The following TRPC5 variants were observed in gnomAD, a reference collection of about 807,000 sequenced individuals.
The protein encoded by TRPC5 is short transient receptor potential channel 5.
TRPC5 carries 9 observed loss-of-function variants against 56.5 expected under a neutral mutation model. The observed-to-expected ratio is 0.16, with a 90% CI of 0.10 to 0.28. The LOEUF (loss-of-function observed/expected upper bound fraction) is 0.28, where lower values mean the gene tolerates loss of function less well. Ranked by LOEUF, TRPC5 falls within the 10% of genes least tolerant of loss-of-function variation. The pLI, the probability that TRPC5 is intolerant of heterozygous loss-of-function variation, is 1.00. For synonymous variants in TRPC5, 282 were observed against 278.5 expected, an observed-to-expected ratio of 1.01 and a Z score of -0.13; for missense variants, 469 against 748.9, an observed-to-expected ratio of 0.63 and a Z score of 4.36.
At chrX:112,080,338 G>A (rs1371925923) in intron 1 of TRPC5, among the ~76,000 whole-genome samples, 1 of 107,856 alleles carries the variant, frequency 9.3e-6, no homozygotes, top group Non-Finnish European at 1.9e-5. Context: ...GCTCCCCTCT[G>A]TTACAAAAGC....
intron 2 of TRPC5, among the ~76,000 whole-genome samples, chrX:111,933,430 G>A (rs774547035): frequency 2.7e-5 from 3 of 111,072 alleles, no homozygotes; most frequent in Non-Finnish European, 5.7e-5. Context: ...AGACATATCT[G>A]CCCAGGGACA....
chrX:111,855,887 T>C (rs766481092), intron 3 of TRPC5, among the ~76,000 whole-genome samples: 1 of 111,723 alleles, frequency 9.0e-6, no homozygotes, highest in East Asian at 2.8e-4. Flanking sequence ...AGTTATACAA[T>C]TGTATAGTAA....
chrX:111,934,316 G>A (rs1926504543), intron 2 of TRPC5, among the ~76,000 whole-genome samples: 2 of 107,468 alleles, frequency 1.9e-5, no homozygotes, highest in South Asian at 4.0e-4. Context: ...ACAATTTTGA[G>A]CTGATTTTCT....
At chrX:111,956,302 T>C (rs1458996857) in intron 1 of TRPC5, among the ~76,000 whole-genome samples, 1 of 112,072 alleles carries the variant, frequency 8.9e-6, no homozygotes, top group Non-Finnish European at 1.9e-5. Context: ...GCTTAAATGG[T>C]AAAACCCTTG....
intron 1 of TRPC5, among the ~76,000 whole-genome samples, chrX:111,989,560 T>C (rs1928298669): frequency 8.9e-6 from 1 of 112,132 alleles, no homozygotes; most frequent in Admixed American, 9.5e-5. Context: ...TCATTCAAGA[T>C]AACTTTTGAG....
intron 2 of TRPC5, among the ~76,000 whole-genome samples, chrX:111,947,526 C>T (rs982309952): frequency 6.4e-5 from 7 of 110,127 alleles, no homozygotes; most frequent in African/African-American, 9.9e-5. Flanking sequence ...TAGTAGAGAC[C>T]GGGTTTCTTC....
At chrX:111,999,583 G>A (rs966851639) in intron 1 of TRPC5, among the ~76,000 whole-genome samples, 6 of 112,177 alleles carry the variant, frequency 5.3e-5, no homozygotes, top group Non-Finnish European at 7.5e-5. Context: ...AAACATGGGA[G>A]TGCAGTATCT....
At chrX:111,794,424 T>C (rs1045489852) in intron 7 of TRPC5, among the ~76,000 whole-genome samples, 4 of 111,855 alleles carry the variant, frequency 3.6e-5, no homozygotes, top group Non-Finnish European at 7.5e-5. Context: ...TGTTAATATA[T>C]TTATTCTGTT....
At chrX:111,841,381 CT>C (rs993129213) in intron 6 of TRPC5, among the ~76,000 whole-genome samples, 8 of 111,859 alleles carry the variant, frequency 7.2e-5, no homozygotes, top group African/African-American at 2.6e-4. Context: ...GCTTGTATGC[CT>C]AGATTGAAAT....
chrX:111,968,625 C>A (rs1319199129), intron 1 of TRPC5, among the ~76,000 whole-genome samples: 134 of 109,309 alleles, frequency 1.2e-3, no homozygotes, highest in Non-Finnish European at 2.4e-3. Context: ...CACATATACC[C>A]CATGGAATAC....
chrX:112,037,002 C>G (rs114889411), intron 1 of TRPC5, among the ~76,000 whole-genome samples: 196 of 111,858 alleles, frequency 1.8e-3, no homozygotes, highest in African/African-American at 6.2e-3. Flanking sequence ...GGAAATTGAG[C>G]AAGGCTTCAA....
At chrX:112,055,283 T>G (rs1437373973) in intron 1 of TRPC5, among the ~76,000 whole-genome samples, 1 of 112,156 alleles carries the variant, frequency 8.9e-6, no homozygotes, top group East Asian at 2.8e-4. Context: ...AAGGTTCTAC[T>G]CATAGGATGA....
At chrX:112,062,116 T>C (rs746119588) in intron 1 of TRPC5, among the ~76,000 whole-genome samples, 4 of 112,035 alleles carry the variant, frequency 3.6e-5, no homozygotes, top group Non-Finnish European at 7.5e-5. Context: ...GCCAACTGGT[T>C]TTACTTTTAC....
intron 1 of TRPC5, among the ~76,000 whole-genome samples, chrX:112,007,579 T>C (rs1251277148): frequency 8.9e-6 from 1 of 111,814 alleles, no homozygotes; most frequent in African/African-American, 3.3e-5. Context: ...TTTGTGCAGA[T>C]CCTGAAGATC....
intron 3 of TRPC5, among the ~76,000 whole-genome samples, chrX:111,885,559 A>G (rs1413465901): frequency 9.1e-6 from 1 of 109,779 alleles, no homozygotes; most frequent in African/African-American, 3.3e-5. Flanking sequence ...TTTTTTTTTA[A>G]AAAAAGAAAA....
At chrX:111,963,431 C>T (rs1213001460) in intron 1 of TRPC5, among the ~76,000 whole-genome samples, 2 of 112,283 alleles carry the variant, frequency 1.8e-5, no homozygotes, top group Non-Finnish European at 3.8e-5. Flanking sequence ...CAGCAGTAAC[C>T]TCTGCAGACT....
chrX:111,812,142 T>C (rs1187676735), intron 7 of TRPC5, among the ~76,000 whole-genome samples: 2 of 110,392 alleles, frequency 1.8e-5, no homozygotes, highest in Admixed American at 9.7e-5. Context: ...CCTACGTGAG[T>C]TTAGCTTTTT....
intron 7 of TRPC5, among the ~76,000 whole-genome samples, chrX:111,794,390 C>T (rs925549822): frequency 4.5e-5 from 5 of 111,165 alleles, no homozygotes; most frequent in Non-Finnish European, 9.4e-5. Context: ...CCATTCCTTC[C>T]ACTTTAATTT....
chrX:111,924,611 T>G (rs761947646), intron 2 of TRPC5, among the ~76,000 whole-genome samples: 44 of 112,634 alleles, frequency 3.9e-4, no homozygotes, highest in Admixed American at 3.8e-3. Context: ...TTTGTTTGGT[T>G]GCTTTGTTCA....
Sources: allele counts gnomAD v4.1 joint callset (sites outside exome capture counted in the v4.1 genomes callset), GRCh38; gene constraint gnomAD v4.1.1; transcripts MANE v1.5; gene names NCBI Gene and HGNC (gene_info 2026-07-23, HGNC 2026-07-21).